Variants in LRRC4C observed in about 807,000 individuals in gnomAD.
The protein encoded by LRRC4C is leucine-rich repeat-containing protein 4C.
Under a neutral mutation model 33.6 loss-of-function variants are expected in LRRC4C, and 5 were observed. The ratio of observed to expected loss-of-function variants is 0.15; its 90% CI spans 0.08 to 0.31. The LOEUF is 0.31. LRRC4C is among the 10% of genes least tolerant of loss of function. The pLI, the probability that LRRC4C is intolerant of heterozygous loss-of-function variation, is 1.00. For missense variants in LRRC4C, 560 were observed against 796.7 expected (o/e 0.70, Z 3.58); for synonymous variants, 329 against 302.0 (o/e 1.09, Z -0.93).
At chr11:40,878,189 T>C (rs1203909966) in intron 2 of LRRC4C, among the ~76,000 whole-genome samples, 1 of 152,020 alleles carries the variant, frequency 6.6e-6, no homozygotes, top group East Asian at 1.9e-4. Context: ...CTAAAATAAG[T>C]GTCGGATTCT....
intron 2 of LRRC4C, among the ~76,000 whole-genome samples, chr11:40,789,932 A>T (rs911208528): frequency 6.6e-5 from 10 of 152,210 alleles, no homozygotes; most frequent in Admixed American, 2.0e-4. Flanking sequence ...GCCAAAAAAG[A>T]TTCAAATAAG....
At chr11:40,961,542 A>T (rs1178793045) in intron 1 of LRRC4C, among the ~76,000 whole-genome samples, 1 of 151,804 alleles carries the variant, frequency 6.6e-6, no homozygotes. Flanking sequence ...AGATGTTAAT[A>T]GTTTCAAAAT....
chr11:41,189,184 G>T (rs1945836191), intron 1 of LRRC4C, among the ~76,000 whole-genome samples: 2 of 152,100 alleles, frequency 1.3e-5, no homozygotes, highest in South Asian at 4.1e-4. Context: ...CACAAAGTCT[G>T]TATTCTACTG....
At chr11:41,158,814 GA>G (rs995843230) in intron 1 of LRRC4C, among the ~76,000 whole-genome samples, 11 of 151,838 alleles carry the variant, frequency 7.2e-5, no homozygotes, top group African/African-American at 2.7e-4. Flanking sequence ...CAATAGATAG[GA>G]AAAAATATAA....
chr11:40,493,734 T>C (rs80275833), intron 3 of LRRC4C, among the ~76,000 whole-genome samples: 2,272 of 152,284 alleles, frequency 0.015, 61 homozygotes, highest in African/African-American at 0.051. Context: ...GCTTAAAAAT[T>C]TGGAGCCTAA....
intron 3 of LRRC4C, among the ~76,000 whole-genome samples, chr11:40,383,372 C>T (rs1045525485): frequency 6.6e-6 from 1 of 152,066 alleles, no homozygotes; most frequent in African/African-American, 2.4e-5. Context: ...TGGGTATATA[C>T]CCAGAAGTGG....
chr11:40,463,001 C>T (rs1952474662), intron 3 of LRRC4C, among the ~76,000 whole-genome samples: 1 of 151,958 alleles, frequency 6.6e-6, no homozygotes, highest in African/African-American at 2.4e-5. Flanking sequence ...GTGTCTCATA[C>T]GGTAGTCACC....
chr11:41,260,557 G>A (rs1010853221), intron 1 of LRRC4C, among the ~76,000 whole-genome samples: 1 of 150,880 alleles, frequency 6.6e-6, no homozygotes, highest in Non-Finnish European at 1.5e-5. Flanking sequence ...AGCACCATAA[G>A]GACAGTACAG....
chr11:41,012,573 A>G (rs914641992), intron 1 of LRRC4C, among the ~76,000 whole-genome samples: 1 of 152,140 alleles, frequency 6.6e-6, no homozygotes, highest in African/African-American at 2.4e-5. Context: ...TTCAGTATCT[A>G]TATTTCCTTT....
chr11:40,698,288 C>T (rs923291303), intron 2 of LRRC4C, among the ~76,000 whole-genome samples: 5 of 152,146 alleles, frequency 3.3e-5, no homozygotes, highest in Middle Eastern at 3.4e-3. Context: ...TTGAAAGTTA[C>T]AAAATGTTAT....
rs540244336 is a variant in LRRC4C, at chr11:40,899,235, C to CT, written c.-407+34399dup. Among the ~76,000 whole-genome samples the CT allele has an allele frequency of 1.4e-3, 207 of 152,282 alleles. 1 individual carries two copies. Among genetic ancestry groups the CT allele is most frequent in the African/African-American group, 4.8e-3 (200 of 41,572 alleles). On this transcript the variant is annotated intron_variant, in intron 2 of 6. Coordinates refer to ENST00000528697, the MANE Select transcript of LRRC4C (RefSeq NM_001258419.2). ...GTGTCCTCAAATCAGTTCTCCCTTTCTTCAGCTGTGCATCTACGATGCATT... is the reference window on the plus strand; with the variant it reads ...GTGTCCTCAAATCAGTTCTCCCTTTCTTTCAGCTGTGCATCTACGATGCATT...
At chr11:40,332,335 T>C (rs1423467918) in intron 3 of LRRC4C, among the ~76,000 whole-genome samples, 1 of 152,174 alleles carries the variant, frequency 6.6e-6, no homozygotes, top group Non-Finnish European at 1.5e-5. Flanking sequence ...TCTGTCTCCA[T>C]CTTCATATGG....
intron 1 of LRRC4C, among the ~76,000 whole-genome samples, chr11:40,966,271 A>T (rs192853569): frequency 6.6e-6 from 1 of 152,112 alleles, no homozygotes; most frequent in East Asian, 1.9e-4. Context: ...TTACATTTTT[A>T]AAAAATAAGT....
intron 1 of LRRC4C, among the ~76,000 whole-genome samples, chr11:41,016,969 A>T (rs1036903410): frequency 1.3e-5 from 2 of 152,142 alleles, no homozygotes; most frequent in African/African-American, 4.8e-5. Flanking sequence ...AACTCGGATA[A>T]TTTTTTAGTG....
At chr11:40,584,568 C>T (rs1195254055) in intron 3 of LRRC4C, among the ~76,000 whole-genome samples, 6 of 151,984 alleles carry the variant, frequency 3.9e-5, no homozygotes, top group East Asian at 3.9e-4. Flanking sequence ...AATTTGTCAT[C>T]GGAGAAGAAA....
intron 2 of LRRC4C, among the ~76,000 whole-genome samples, chr11:40,752,379 C>T (rs574325347): frequency 2.6e-5 from 4 of 151,858 alleles, no homozygotes; most frequent in Admixed American, 2.0e-4. Context: ...CCAGAATATA[C>T]AAGGAGCTCA....
chr11:41,192,011 T>G (rs905452043), intron 1 of LRRC4C, among the ~76,000 whole-genome samples: 1 of 152,124 alleles, frequency 6.6e-6, no homozygotes, highest in African/African-American at 2.4e-5. Flanking sequence ...TATACTTCAT[T>G]CAGATCATTT....
At chr11:40,172,655 C>G (rs1024820915) in intron 5 of LRRC4C, among the ~76,000 whole-genome samples, 4 of 151,926 alleles carry the variant, frequency 2.6e-5, no homozygotes, top group African/African-American at 9.7e-5. Flanking sequence ...ATATACCTGT[C>G]TCCTAGTTAT....
At chr11:40,591,529 C>T (rs59658962) in intron 3 of LRRC4C, among the ~76,000 whole-genome samples, 7 of 152,176 alleles carry the variant, frequency 4.6e-5, no homozygotes, top group East Asian at 3.9e-4. Flanking sequence ...AGCTCACTTA[C>T]GTGACAACTT....
Sources: gnomAD v4.1 joint callset for allele counts (sites outside exome capture counted in the v4.1 genomes callset) on GRCh38, gnomAD v4.1.1 for gene constraint, MANE v1.5 for transcripts, NCBI Gene and HGNC (gene_info 2026-07-23, HGNC 2026-07-21) for gene names.